Variants in RAPGEF2 observed in about 807,000 individuals in gnomAD.
The protein encoded by RAPGEF2 is PDZ domain containing guanine nucleotide exchange factor (GEF) 1.
Under a neutral mutation model 186.7 loss-of-function variants are expected in RAPGEF2, and 54 were observed. The ratio of observed to expected loss-of-function variants is 0.29; its 90% confidence interval spans 0.23 to 0.36. RAPGEF2 has a LOEUF of 0.36. Among genes scored for constraint, RAPGEF2 ranks in the 10% least tolerant of loss-of-function variants. The pLI, the probability that RAPGEF2 is intolerant of heterozygous loss-of-function variation, is 1.00. For synonymous variants in RAPGEF2, 712 were observed against 705.9 expected (o/e 1.01, Z -0.14); for missense variants, 1,532 against 2,045.0 (o/e 0.75, Z 4.84).
At chr4:159,233,063 T>A (rs997869485) in intron 4 of RAPGEF2, among the ~76,000 whole-genome samples, 8 of 152,260 alleles carry the variant, frequency 5.3e-5, no homozygotes, top group Non-Finnish European at 1.0e-4. Context: ...ATTGAATCTT[T>A]ATCAGATATG....
At chr4:159,136,008 T>A (rs970679861) in intron 1 of RAPGEF2, among the ~76,000 whole-genome samples, 4 of 152,220 alleles carry the variant, frequency 2.6e-5, no homozygotes, top group African/African-American at 4.8e-5. Context: ...GTTAATAATT[T>A]AAGTACATTT....
chr4:159,106,860 A>G (rs1275293309), intron 1 of RAPGEF2, among the ~76,000 whole-genome samples: 1 of 152,178 alleles, frequency 6.6e-6, no homozygotes, highest in Non-Finnish European at 1.5e-5. Context: ...CTAGAAGAGA[A>G]TCTAGGGGTG....
intron 1 of RAPGEF2, among the ~76,000 whole-genome samples, chr4:159,150,746 T>C (rs944362092): frequency 6.6e-6 from 1 of 152,226 alleles, no homozygotes; most frequent in Non-Finnish European, 1.5e-5. Flanking sequence ...GAGTTACAAA[T>C]AAATTTTAGC....
intron 1 of RAPGEF2, among the ~76,000 whole-genome samples, chr4:159,122,592 T>A (rs1315567215): frequency 1.3e-5 from 2 of 152,228 alleles, no homozygotes; most frequent in African/African-American, 4.8e-5. Context: ...CATTAAATCA[T>A]AACTGCATAA....
chr4:159,335,462 T>TG (rs1767270907), intron 17 of RAPGEF2, among the ~76,000 whole-genome samples: 1 of 152,210 alleles, frequency 6.6e-6, no homozygotes, highest in African/African-American at 2.4e-5. Context: ...AGTGGCCGCA[T>TG]GTCTGGATGA....
intron 1 of RAPGEF2, among the ~76,000 whole-genome samples, chr4:159,127,517 T>C (rs565456129): frequency 1.1e-3 from 166 of 152,312 alleles, no homozygotes; most frequent in Admixed American, 4.1e-3. Flanking sequence ...AATTTTTCTT[T>C]ATGCTGTCAC....
intron 1 of RAPGEF2, among the ~76,000 whole-genome samples, chr4:159,152,853 T>TA (rs1743709597): frequency 6.6e-6 from 1 of 152,214 alleles, no homozygotes; most frequent in Middle Eastern, 3.2e-3. Flanking sequence ...TCTCCTGACC[T>TA]CATGATCCGC....
At chr4:159,348,282 GGATAGATA>G (rs928813197) in intron 25 of RAPGEF2, among the ~76,000 whole-genome samples, 8 of 120,512 alleles carry the variant, frequency 6.6e-5, no homozygotes, top group African/African-American at 2.2e-4. Context: ...ATGGATGGAT[GGATAGATA>G]GATAAAGATA....
intron 7 of RAPGEF2, among the ~76,000 whole-genome samples, chr4:159,293,589 A>G (rs1432675823): frequency 6.6e-6 from 1 of 152,228 alleles, no homozygotes; most frequent in African/African-American, 2.4e-5. Flanking sequence ...TTCACTGTGG[A>G]AGAATTTTCA....
At chr4:159,289,676 A>G (rs545219375) in intron 7 of RAPGEF2, among the ~76,000 whole-genome samples, 1 of 152,328 alleles carries the variant, frequency 6.6e-6, no homozygotes, top group South Asian at 2.1e-4. Context: ...TAGAGAGGGC[A>G]TTGGATTATT....
At chr4:159,182,541 A>G (rs1002497557) in intron 1 of RAPGEF2, among the ~76,000 whole-genome samples, 7 of 151,934 alleles carry the variant, frequency 4.6e-5, no homozygotes, top group African/African-American at 1.7e-4. Flanking sequence ...GATTACAGGC[A>G]TATGCCACAA....
intron 1 of RAPGEF2, among the ~76,000 whole-genome samples, chr4:159,159,654 TATTC>T (rs563134086): frequency 6.6e-6 from 1 of 152,218 alleles, no homozygotes; most frequent in Non-Finnish European, 1.5e-5. Context: ...ACTGAAAAAT[TATTC>T]ATACACATAT....
At chr4:159,348,877 A>T (rs1336137589) in intron 25 of RAPGEF2, among the ~76,000 whole-genome samples, 4 of 152,238 alleles carry the variant, frequency 2.6e-5, no homozygotes, top group Admixed American at 6.5e-5. Context: ...AGTATATAAA[A>T]TACTAATTTA....
rs781071650 is a variant in RAPGEF2 at position 159,323,476 on chromosome 4, G to C, written c.1008G>C (p.Val336=). The C allele has an allele frequency of 1.2e-6, 2 of 1,604,960 alleles. No individual in the cohort carries two copies. The highest frequency in any genetic ancestry group is 1.7e-6 in the Non-Finnish European group (2 of 1,176,164). The part of the protein sequence containing the change: ...NDGEELDSWS[V]ILNGSVEVTY... ...TGGATTAGCTGGACTCCTGGTCAGTGATTCTCAATGGATCTGTGGAAGTGA... is the reference window on the plus strand; with the variant it reads ...TGGATTAGCTGGACTCCTGGTCAGTCATTCTCAATGGATCTGTGGAAGTGA... The change falls in exon 11 of 30, where the codon GTG becomes GTC. Residue 336 remains valine (V), a synonymous_variant. Transcript: ENST00000691494.
intron 1 of RAPGEF2, among the ~76,000 whole-genome samples, chr4:159,112,896 A>T (rs1738648159): frequency 6.6e-6 from 1 of 152,236 alleles, no homozygotes; most frequent in Non-Finnish European, 1.5e-5. Flanking sequence ...AACTGGTAAT[A>T]TCAAATTAAC....
At position 159,323,443 on chromosome 4, in the gene RAPGEF2, T is replaced by C. The variant is rs1245053475; in HGVS notation, c.991-16T>C. ...ATGATGTTACTTTCTGCTTTGTCTT[T>C]ATTTTTTTGGATTAGCTGGACTCCT... On this transcript the variant is annotated splice_polypyrimidine_tract_variant and intron_variant, in intron 10 of 29. Coordinates refer to ENST00000691494, the MANE Select transcript of RAPGEF2 (RefSeq NM_001394067.2). 2 of 1,577,768 alleles carry C rather than the reference T, an allele frequency of 1.3e-6. No individual in the cohort carries two copies. Among genetic ancestry groups the C allele is most frequent in the South Asian group, 1.2e-5 (1 of 85,428 alleles).
intron 1 of RAPGEF2, among the ~76,000 whole-genome samples, chr4:159,114,507 G>A (rs1161403483): frequency 1.3e-5 from 2 of 152,154 alleles, no homozygotes; most frequent in African/African-American, 2.4e-5. Context: ...AAAGTGCTGG[G>A]ATTATAGGTG....
chr4:159,200,690 G>A (rs1749308698), intron 3 of RAPGEF2, among the ~76,000 whole-genome samples: 1 of 151,844 alleles, frequency 6.6e-6, no homozygotes, highest in Admixed American at 6.5e-5. Context: ...CTGTTTTGTT[G>A]GTTGCAATTC....
intron 7 of RAPGEF2, chr4:159,268,090 G>A (rs1262229596): frequency 3.1e-6 from 5 of 1,593,584 alleles, no homozygotes; most frequent in Non-Finnish European, 4.3e-6. Context: ...GCTGTAGAGG[G>A]TGACTTGCCA....
Sources: allele counts gnomAD v4.1 joint callset (sites outside exome capture counted in the v4.1 genomes callset), GRCh38; gene constraint gnomAD v4.1.1; transcripts MANE v1.5; gene names NCBI Gene and HGNC (gene_info 2026-07-23, HGNC 2026-07-21).